SRPK2: variants seen among roughly 807,000 people sequenced by gnomAD.
SRPK2 encodes SRSF protein kinase 2.
In SRPK2, 21 loss-of-function variants were observed where a neutral mutation model predicts 90.8. The ratio of observed to expected loss-of-function variants is 0.23; its 90% CI spans 0.16 to 0.33. The LOEUF is 0.33. Ranked by LOEUF, SRPK2 falls within the 10% of genes least tolerant of loss-of-function variation. SRPK2 has a pLI of 1.00. For synonymous variants in SRPK2, 288 were observed against 311.1 expected, an observed-to-expected ratio of 0.93 and a Z score of 0.78; for missense variants, 620 against 869.0, an observed-to-expected ratio of 0.71 and a Z score of 3.60.
intron 2 of SRPK2, among the ~76,000 whole-genome samples, chr7:105,246,222 T>C (rs7776832): frequency 0.43 from 65,594 of 152,016 alleles, 15,599 homozygotes; most frequent in Non-Finnish European, 0.53. Flanking sequence ...CACAGAGTAA[T>C]TTCTGTCACC....
chr7:105,141,197 G>A (rs12705300), intron 11 of SRPK2, among the ~76,000 whole-genome samples: 16,787 of 152,140 alleles, frequency 0.11, 1,119 homozygotes, highest in African/African-American at 0.17. Context: ...CAGCTTACTC[G>A]GCGTGCAATT....
intron 15 of SRPK2, among the ~76,000 whole-genome samples, chr7:105,122,901 T>G (rs1259575666): frequency 6.6e-6 from 1 of 152,012 alleles, no homozygotes. Flanking sequence ...TTAAGTAAAC[T>G]GTCTCATTTG....
intron 3 of SRPK2, among the ~76,000 whole-genome samples, chr7:105,197,341 G>C (rs1795038489): frequency 6.6e-6 from 1 of 152,166 alleles, no homozygotes; most frequent in African/African-American, 2.4e-5. Flanking sequence ...TTACAGGTAA[G>C]AAATATATGT....
At chr7:105,165,941 G>C (rs1441361258) in intron 6 of SRPK2, among the ~76,000 whole-genome samples, 1 of 152,178 alleles carries the variant, frequency 6.6e-6, no homozygotes, top group Non-Finnish European at 1.5e-5. Context: ...CCCACCGGGA[G>C]GAACAAACAA....
chr7:105,290,720 T>A (rs577617227), intron 2 of SRPK2, among the ~76,000 whole-genome samples: 2 of 152,174 alleles, frequency 1.3e-5, no homozygotes, highest in African/African-American at 4.8e-5. Flanking sequence ...CTACCAGCTA[T>A]GAAATTTAGA....
At chr7:105,169,083 C>T (rs1790475091) in intron 4 of SRPK2, 74 bp downstream of exon 4, 3 of 1,334,412 alleles carry the variant, frequency 2.2e-6, no homozygotes, top group Non-Finnish European at 3.2e-6. Flanking sequence ...TGGTGACCCT[C>T]AGCCATACCT....
intron 2 of SRPK2, among the ~76,000 whole-genome samples, chr7:105,285,558 T>G (rs1433834086): frequency 6.6e-6 from 1 of 152,144 alleles, no homozygotes; most frequent in East Asian, 1.9e-4. Flanking sequence ...ATCCCCAGTT[T>G]TGGAGGTGGG....
At chr7:105,394,903 G>A (rs376115329) in intron 1 of SRPK2, among the ~76,000 whole-genome samples, 3 of 152,206 alleles carry the variant, frequency 2.0e-5, no homozygotes, top group East Asian at 3.8e-4. Flanking sequence ...GGGCGCGGTG[G>A]CTTACGCCTG....
intron 11 of SRPK2, among the ~76,000 whole-genome samples, chr7:105,139,506 G>A (rs967206123): frequency 6.6e-6 from 1 of 152,180 alleles, no homozygotes. Flanking sequence ...CAGGTTGGCA[G>A]GGAAAGTTGT....
intron 2 of SRPK2, among the ~76,000 whole-genome samples, chr7:105,384,689 G>C (rs557610951): frequency 3.6e-4 from 54 of 152,108 alleles, no homozygotes; most frequent in African/African-American, 1.3e-3. Flanking sequence ...AGCTATTGTG[G>C]GCTTAACCTG....
intron 2 of SRPK2, chr7:105,244,973 C>CCCCTT: frequency 1.6e-6 from 2 of 1,278,118 alleles, no homozygotes; most frequent in South Asian, 2.5e-5. Context: ...AAGACTGAGC[C>CCCCTT]CCCTTCCCTG....
chr7:105,269,782 A>G (rs1251290902), intron 2 of SRPK2, among the ~76,000 whole-genome samples: 2 of 152,246 alleles, frequency 1.3e-5, no homozygotes. Flanking sequence ...TTTTAAGTTA[A>G]TAAAACTGAC....
intron 2 of SRPK2, among the ~76,000 whole-genome samples, chr7:105,357,081 G>A (rs1817860966): frequency 6.6e-6 from 1 of 151,696 alleles, no homozygotes; most frequent in East Asian, 1.9e-4. Flanking sequence ...TGTCGCCCAG[G>A]CTGGAGTGCA....
chr7:105,291,714 A>C (rs766347087), intron 2 of SRPK2, among the ~76,000 whole-genome samples: 1 of 152,140 alleles, frequency 6.6e-6, no homozygotes, highest in Non-Finnish European at 1.5e-5. Flanking sequence ...TGGGCAACAG[A>C]ACGAGATTTT....
chr7:105,185,228 G>A (rs769671147), intron 3 of SRPK2, among the ~76,000 whole-genome samples: 17 of 151,424 alleles, frequency 1.1e-4, no homozygotes, highest in Non-Finnish European at 2.2e-4. Context: ...TAAGACATGA[G>A]ATTTCTTTTA....
At chr7:105,198,024 A>G (rs929390430) in intron 3 of SRPK2, among the ~76,000 whole-genome samples, 3 of 152,254 alleles carry the variant, frequency 2.0e-5, no homozygotes, top group African/African-American at 7.2e-5. Flanking sequence ...AGTTAGGAAC[A>G]TAAGGTAGTT....
chr7:105,397,213 T>G (rs376064691), intron 1 of SRPK2, among the ~76,000 whole-genome samples: 162 of 152,188 alleles, frequency 1.1e-3, no homozygotes, highest in Middle Eastern at 3.4e-3. Flanking sequence ...AGACGTGGTT[T>G]CACCATGTTG....
chr7:105,389,989 TA>T (rs1032117191), upstream of SRPK2, among the ~76,000 whole-genome samples: 9 of 152,234 alleles, frequency 5.9e-5, no homozygotes, highest in African/African-American at 2.2e-4. Flanking sequence ...TCAAACCCTA[TA>T]GAAAAGTTAC....
chr7:105,292,513 AAAAAAAAAAAG>A (rs1371948249), intron 2 of SRPK2, among the ~76,000 whole-genome samples: 1 of 151,378 alleles, frequency 6.6e-6, no homozygotes, highest in Non-Finnish European at 1.5e-5. Context: ...AAAAAAAAAA[AAAAAAAAAAAG>A]AGCATAATAT....
Sources: gnomAD v4.1 joint callset for allele counts (sites outside exome capture counted in the v4.1 genomes callset) on GRCh38, gnomAD v4.1.1 for gene constraint, MANE v1.5 for transcripts, NCBI Gene and HGNC (gene_info 2026-07-23, HGNC 2026-07-21) for gene names.